The following NRG1 variants were observed in gnomAD, a reference collection of about 807,000 sequenced individuals.
NRG1 encodes pro-neuregulin-1, membrane-bound isoform.
NRG1 carries 18 observed loss-of-function variants against 63.8 expected under a neutral mutation model. That is an observed-to-expected ratio of 0.28 (90% CI 0.19 to 0.42). The LOEUF (loss-of-function observed/expected upper bound fraction) is 0.42, where lower values mean the gene tolerates loss of function less well. Among genes scored for constraint, NRG1 ranks in the 10% least tolerant of loss-of-function variants. NRG1 has a pLI of 1.00. For synonymous variants in NRG1, 302 were observed against 301.3 expected, an observed-to-expected ratio of 1.00 and a Z score of -0.02; for missense variants, 762 against 814.7, an observed-to-expected ratio of 0.94 and a Z score of 0.79.
chr8:32,343,484 G>A (rs1334940195), intron 1 of NRG1, among the ~76,000 whole-genome samples: 1 of 152,128 alleles, frequency 6.6e-6, no homozygotes, highest in Non-Finnish European at 1.5e-5. Context: ...TTATGCATTT[G>A]CTGATGGTCT....
intron 1 of NRG1, among the ~76,000 whole-genome samples, chr8:31,779,735 C>T (rs942702874): frequency 3.3e-5 from 5 of 152,270 alleles, no homozygotes; most frequent in African/African-American, 1.2e-4. Context: ...GACCCAAGTT[C>T]CTGTCCTGGA....
intron 1 of NRG1, among the ~76,000 whole-genome samples, chr8:31,869,210 T>C (rs986736053): frequency 6.6e-6 from 1 of 152,174 alleles, no homozygotes; most frequent in East Asian, 1.9e-4. Flanking sequence ...TCTAATCTCT[T>C]CCTATCAGAC....
chr8:31,642,657 T>C (rs1181070089), intron 1 of NRG1, among the ~76,000 whole-genome samples: 2 of 152,172 alleles, frequency 1.3e-5, no homozygotes, highest in African/African-American at 4.8e-5. Flanking sequence ...TTGTGGCACG[T>C]TTTAAAAAAA....
chr8:32,460,170 A>G (rs1023309994), intron 1 of NRG1, among the ~76,000 whole-genome samples: 2 of 152,232 alleles, frequency 1.3e-5, no homozygotes, highest in Non-Finnish European at 2.9e-5. Flanking sequence ...CTTAATAAAC[A>G]TAAGAGTGAA....
intron 1 of NRG1, among the ~76,000 whole-genome samples, chr8:32,124,324 C>T (rs148523889): frequency 0.012 from 1,758 of 151,866 alleles, 22 homozygotes; most frequent in Non-Finnish European, 0.016. Context: ...TGGTGAGCAT[C>T]CAGTATACTT....
At chr8:32,365,789 A>G (rs541383164) in intron 1 of NRG1, among the ~76,000 whole-genome samples, 39 of 152,292 alleles carry the variant, frequency 2.6e-4, no homozygotes, top group African/African-American at 8.9e-4. Flanking sequence ...TGACCCTCAG[A>G]TTGTAGTTTG....
chr8:31,664,175 AG>A (rs1162220873), intron 1 of NRG1, among the ~76,000 whole-genome samples: 1 of 152,274 alleles, frequency 6.6e-6, no homozygotes, highest in East Asian at 1.9e-4. Flanking sequence ...CTTCTCCAAC[AG>A]GGAAAGGCAG....
chr8:32,315,127 G>C (rs1217256644), intron 1 of NRG1, among the ~76,000 whole-genome samples: 5 of 152,158 alleles, frequency 3.3e-5, no homozygotes, highest in African/African-American at 1.2e-4. Flanking sequence ...AGGACGTGCA[G>C]GTTTGTTACA....
chr8:32,301,123 G>T (rs78133209), intron 1 of NRG1, among the ~76,000 whole-genome samples: 4 of 152,100 alleles, frequency 2.6e-5, no homozygotes, highest in Admixed American at 2.0e-4. Context: ...ATGGAATTTG[G>T]TAGTAAAAGA....
chr8:31,942,861 A>T (rs1243130425), intron 1 of NRG1, among the ~76,000 whole-genome samples: 1 of 134,722 alleles, frequency 7.4e-6, no homozygotes, highest in South Asian at 2.5e-4. Context: ...TTCCTCAAGA[A>T]TGACCATAAT....
chr8:32,397,144 A>G (rs1812536931), intron 1 of NRG1, among the ~76,000 whole-genome samples: 1 of 152,162 alleles, frequency 6.6e-6, no homozygotes, highest in East Asian at 1.9e-4. Context: ...AGGTAGATAG[A>G]TACATAGATA....
chr8:32,429,138 C>G (rs1817810305), intron 1 of NRG1, among the ~76,000 whole-genome samples: 1 of 150,672 alleles, frequency 6.6e-6, no homozygotes, highest in Admixed American at 6.6e-5. Context: ...TTTTTTTTTT[C>G]CAAGTCAACT....
chr8:32,125,551 C>T (rs10087434), intron 1 of NRG1, among the ~76,000 whole-genome samples: 94,598 of 151,694 alleles, frequency 0.62, 30,002 homozygotes, highest in African/African-American at 0.72. Context: ...CAATCTACCA[C>T]GAAAAATCAA....
At chr8:32,498,606 C>T (rs997180670) in intron 1 of NRG1, among the ~76,000 whole-genome samples, 1 of 148,896 alleles carries the variant, frequency 6.7e-6, no homozygotes, top group African/African-American at 2.5e-5. Context: ...CAATTACCTC[C>T]GACCAGGTCC....
At chr8:32,567,556 A>G (rs1837695121) in intron 1 of NRG1, among the ~76,000 whole-genome samples, 1 of 152,236 alleles carries the variant, frequency 6.6e-6, no homozygotes, top group South Asian at 2.1e-4. Context: ...CTGGTGGTCC[A>G]TTATCTGATG....
intron 1 of NRG1, among the ~76,000 whole-genome samples, chr8:32,103,293 T>A (rs973954425): frequency 1.3e-5 from 2 of 152,228 alleles, no homozygotes; most frequent in African/African-American, 4.8e-5. Context: ...AATGTTTGTC[T>A]TTCTGTTCCT....
At chr8:32,431,235 A>T (rs2129486755) in intron 1 of NRG1, among the ~76,000 whole-genome samples, 1 of 152,272 alleles carries the variant, frequency 6.6e-6, no homozygotes, top group Admixed American at 6.5e-5. Flanking sequence ...ATATCAAGTG[A>T]ACTGTGTAAT....
At chr8:32,584,340 G>C (rs1229186730) in intron 1 of NRG1, among the ~76,000 whole-genome samples, 4 of 152,094 alleles carry the variant, frequency 2.6e-5, no homozygotes. Flanking sequence ...CTTCCTGTGG[G>C]GTAGAAGTAA....
intron 1 of NRG1, among the ~76,000 whole-genome samples, chr8:31,896,372 G>A (rs1424733645): frequency 6.6e-6 from 1 of 152,192 alleles, no homozygotes; most frequent in African/African-American, 2.4e-5. Context: ...TCTTTAACAT[G>A]ATACATAAGA....
Sources: gnomAD v4.1 joint callset for allele counts (sites outside exome capture counted in the v4.1 genomes callset) on GRCh38, gnomAD v4.1.1 for gene constraint, MANE v1.5 for transcripts, NCBI Gene and HGNC (gene_info 2026-07-23, HGNC 2026-07-21) for gene names.